APOL3: variants seen among roughly 807,000 people sequenced by gnomAD.
The protein encoded by APOL3 is TNF-inducible protein CG12-1.
APOL3 carries 14 observed loss-of-function variants against 11.6 expected under a neutral mutation model. The observed-to-expected ratio is 1.21, with a 90% CI of 0.80 to 1.89. The LOEUF (loss-of-function observed/expected upper bound fraction) is 1.89. Among genes scored for constraint, APOL3 ranks in the 40% most tolerant of loss-of-function variants. The probability of loss-of-function intolerance (pLI) is 0.00; values close to 1 mark genes in which losing one functional copy is unlikely to be tolerated. For missense variants in APOL3, 483 were observed against 492.1 expected, an observed-to-expected ratio of 0.98 and a Z score of 0.17; for synonymous variants, 192 against 190.6, an observed-to-expected ratio of 1.01 and a Z score of -0.06.
chr22:36,161,859 G>T (rs10716418), upstream of APOL3, among the ~76,000 whole-genome samples: 34 of 35,742 alleles, frequency 9.5e-4, no homozygotes, highest in South Asian at 0.035. Context: ...AGAAAAAGGT[G>T]GGGGGGTGAT....
At chr22:36,148,261 G>A (rs563983825) in intron 1 of APOL3, among the ~76,000 whole-genome samples, 1 of 152,222 alleles carries the variant, frequency 6.6e-6, no homozygotes, top group Non-Finnish European at 1.5e-5. Flanking sequence ...AGTCATCCCT[G>A]GTAAGCAGGT....
At chr22:36,155,209 G>A (rs1051143933) in intron 1 of APOL3, among the ~76,000 whole-genome samples, 12 of 152,174 alleles carry the variant, frequency 7.9e-5, no homozygotes, top group Non-Finnish European at 2.9e-5. Context: ...GTAGGGGTTG[G>A]CTCCAAGCAG....
exon 3 of APOL3, chr22:36,141,187 C>T (rs1447113154): frequency 6.2e-7 from 1 of 1,606,772 alleles, no homozygotes; most frequent in African/African-American, 1.3e-5. Context: ...CTGCTGGCTG[C>T]ACTGGTCTGG....
chr22:36,145,980 T>TTCTTTCTCTC (rs2060192049), intron 1 of APOL3, among the ~76,000 whole-genome samples: 14 of 118,710 alleles, frequency 1.2e-4, no homozygotes, highest in African/African-American at 3.7e-4. Flanking sequence ...CTGTCTCTCT[T>TTCTTTCTCTC]TCTCTCTCTC....
At chr22:36,146,747 A>G (rs1239525389) in intron 1 of APOL3, among the ~76,000 whole-genome samples, 1 of 152,184 alleles carries the variant, frequency 6.6e-6, no homozygotes, top group African/African-American at 2.4e-5. Context: ...AAATGTTTCA[A>G]CAGAGAAACC....
At chr22:36,141,605 T>A in exon 3 of APOL3, 1 of 1,614,220 alleles carries the variant, frequency 6.2e-7, no homozygotes, top group East Asian at 2.2e-5. Context: ...CACGCATAAC[T>A]TCCTTAAATA....
At chr22:36,148,475 G>C (rs370260878) in intron 1 of APOL3, among the ~76,000 whole-genome samples, 2 of 152,242 alleles carry the variant, frequency 1.3e-5, no homozygotes, top group East Asian at 1.9e-4. Flanking sequence ...TCCAGGTGAG[G>C]GGAGGTAAGA....
At chr22:36,147,784 T>G (rs942769823) in intron 1 of APOL3, among the ~76,000 whole-genome samples, 1 of 151,902 alleles carries the variant, frequency 6.6e-6, no homozygotes, top group Admixed American at 6.6e-5. Flanking sequence ...GGGGTGGGAG[T>G]ACCAGGGTGT....
intron 1 of APOL3, chr22:36,156,845 T>C (rs2012953606): frequency 7.0e-6 from 3 of 431,094 alleles, no homozygotes; most frequent in Non-Finnish European, 1.4e-5. Context: ...ATGACTGACC[T>C]GGGTGGCCTC....
upstream of APOL3, among the ~76,000 whole-genome samples, chr22:36,164,241 G>A (rs147983944): frequency 3.6e-3 from 546 of 152,202 alleles, 1 homozygote; most frequent in African/African-American, 0.013. Flanking sequence ...CCTAGCAGAG[G>A]TCTATCAGCC....
intron 1 of APOL3, among the ~76,000 whole-genome samples, chr22:36,147,519 C>A (rs559357721): frequency 3.7e-4 from 57 of 152,202 alleles, no homozygotes; most frequent in Non-Finnish European, 7.5e-4. Flanking sequence ...GGCTTCTAAT[C>A]TTCCCTGCCC....
chr22:36,158,966 CGT>C (rs35041494), intron 1 of APOL3, among the ~76,000 whole-genome samples: 76,165 of 149,928 alleles, frequency 0.51, 22,169 homozygotes, highest in East Asian at 0.91. Flanking sequence ...TGTGAGTGTG[CGT>C]GTGTGTGTGT....
At chr22:36,143,978 T>C (rs936605239) in intron 2 of APOL3, among the ~76,000 whole-genome samples, 1 of 152,192 alleles carries the variant, frequency 6.6e-6, no homozygotes, top group Admixed American at 6.5e-5. Context: ...AATTACCCAG[T>C]TGGCAGACAC....
exon 3 of APOL3, chr22:36,141,502 C>T: frequency 6.8e-6 from 11 of 1,614,180 alleles, no homozygotes; most frequent in Non-Finnish European, 9.3e-6. Context: ...CGGGCCCTGG[C>T]TCTGGCTTGC....
At chr22:36,140,954 A>C in exon 3 of APOL3, 1 of 500,898 alleles carries the variant, frequency 2.0e-6, no homozygotes. Context: ...TCTTCTTCCT[A>C]TTCCCCACAC....
At chr22:36,160,593 A>C (rs1173280049) in intron 1 of APOL3, 76 bp downstream of exon 1, 6 of 1,488,538 alleles carry the variant, frequency 4.0e-6, no homozygotes, top group Non-Finnish European at 4.7e-6. Flanking sequence ...TCATCTACAA[A>C]AGGTGAATGA....
upstream of APOL3, among the ~76,000 whole-genome samples, chr22:36,163,909 A>C (rs2013795236): frequency 6.6e-6 from 1 of 152,232 alleles, no homozygotes; most frequent in South Asian, 2.1e-4. Context: ...AAAAATAAGT[A>C]ATGCCCACTG....
At chr22:36,150,256 TC>T (rs1465597475) in intron 1 of APOL3, among the ~76,000 whole-genome samples, 1 of 152,154 alleles carries the variant, frequency 6.6e-6, no homozygotes, top group African/African-American at 2.4e-5. Context: ...TTATTGACTA[TC>T]CCTTCAAGAT....
upstream of APOL3, among the ~76,000 whole-genome samples, chr22:36,162,587 C>T (rs1281781333): frequency 1.3e-5 from 2 of 152,194 alleles, no homozygotes; most frequent in Non-Finnish European, 2.9e-5. Flanking sequence ...ACCTTAAACT[C>T]TATATAGAGG....
Sources: allele counts gnomAD v4.1 joint callset (sites outside exome capture counted in the v4.1 genomes callset), GRCh38; gene constraint gnomAD v4.1.1; transcripts MANE v1.5; gene names NCBI Gene and HGNC (gene_info 2026-07-23, HGNC 2026-07-21).